Variants in MCM6 observed in about 807,000 individuals in gnomAD.
The protein encoded by MCM6 is DNA replication licensing factor MCM6.
MCM6 carries 46 observed loss-of-function variants against 94.3 expected under a neutral mutation model. That is an observed-to-expected ratio of 0.49 (90% confidence interval 0.39 to 0.62). The LOEUF (loss-of-function observed/expected upper bound fraction) is 0.62, where lower values mean the gene tolerates loss of function less well. Ranked by LOEUF, MCM6 falls within the 20% of genes least tolerant of loss-of-function variation. MCM6 has a pLI of 0.00. For missense variants in MCM6, 865 were observed against 1,017.9 expected (o/e 0.85, Z 2.04); for synonymous variants, 335 against 351.9 (o/e 0.95, Z 0.54).
chr2:135,846,967 G>A (rs1053993012), intron 14 of MCM6, among the ~76,000 whole-genome samples: 8 of 151,420 alleles, frequency 5.3e-5, no homozygotes, highest in African/African-American at 1.9e-4. Context: ...TTGCACCATT[G>A]TACTCCAGCC....
chr2:135,864,058 C>G (rs1030615293), intron 7 of MCM6, among the ~76,000 whole-genome samples: 1 of 150,878 alleles, frequency 6.6e-6, no homozygotes, highest in Non-Finnish European at 1.5e-5. Context: ...TTGCAGTGAG[C>G]TGAGATCACG....
intron 2 of MCM6, 43 bp downstream of exon 2, chr2:135,872,654 T>C (rs1180605518): frequency 6.3e-7 from 1 of 1,599,710 alleles, no homozygotes; most frequent in Admixed American, 1.7e-5. Flanking sequence ...GCTTCCCGGA[T>C]TTCAACCCCT....
rs1371614006 is a variant in MCM6, at chr2:135,866,215, G to C, written c.844C>G (p.Arg282Gly). 6.2e-7 allele frequency: 1 copy of C among 1,614,166 alleles called. No homozygotes were observed. The highest frequency in any genetic ancestry group is 8.5e-7 in the Non-Finnish European group (1 of 1,180,014). ...CTAACACCAAGGGCCCGGAGTCCTC[G>C]AATGCCTTCTGTCTCATATCCATCA... ...GVDGYETEGI[R>G]GLRALGVRDL... is the part of the protein sequence containing the mutation. The change falls in exon 6 of 17, where the codon CGA becomes GGA. Residue 282 changes from arginine to glycine, a missense_variant. Arg to Gly is a moderately radical substitution (Grantham distance 125). Transcript: ENST00000264156.
Position 135,840,901 on chromosome 2 carries a change from C to G in MCM6, c.2400G>C (p.Glu800Asp), listed in dbSNP as rs138809319. ...LTQAGLKGST[E>D]GSESYEEDPY... ...GATCTTCTTCATAGCTCTCACTTCC[C>G]TCTGTGGAGCCTTTCAATCCAGCCT... The change falls in exon 17 of 17, where the codon GAG becomes GAC. Residue 800 changes from glutamate (E) to aspartate (D), a missense_variant. Around this residue, in one of 3 missense-constraint regions of MCM6, gnomAD observed 308 missense variants for 324.5 expected, o/e 0.95. Transcript: ENST00000264156. 1.4e-5 allele frequency: 23 copies of G among 1,614,174 alleles called. No homozygotes were observed. In the African/African-American group the frequency reaches 2.9e-4, roughly 21 times the overall value.
chr2:135,865,259 G>T, intron 6 of MCM6, 96 bp from the exon 7 acceptor site: 25 of 823,128 alleles, frequency 3.0e-5, no homozygotes, highest in Admixed American at 6.3e-5. Flanking sequence ...CATAGCATGG[G>T]AAGTCAACCT....
At chr2:135,849,856 A>G (rs908966148) in intron 13 of MCM6, among the ~76,000 whole-genome samples, 19 of 152,234 alleles carry the variant, frequency 1.2e-4, no homozygotes, top group African/African-American at 4.3e-4. Context: ...AAGGCCTAAC[A>G]AAAGTTTTTT....
chr2:135,875,819 C>A (rs1415100208), intron 1 of MCM6, among the ~76,000 whole-genome samples: 1 of 152,184 alleles, frequency 6.6e-6, no homozygotes, highest in East Asian at 1.9e-4. Context: ...CCCTGCGAAC[C>A]CCCAGCACCA....
At chr2:135,857,871 GCAGAA>G (rs754392111) in intron 10 of MCM6, 21 bp downstream of exon 10, 9 of 1,580,072 alleles carry the variant, frequency 5.7e-6, no homozygotes, top group South Asian at 2.2e-5. Context: ...GGACGATGCA[GCAGAA>G]CAGAAGTAGA....
intron 1 of MCM6, among the ~76,000 whole-genome samples, chr2:135,873,858 C>T (rs1680248840): frequency 6.6e-6 from 1 of 152,154 alleles, no homozygotes; most frequent in Non-Finnish European, 1.5e-5. Context: ...ACAAGTTATA[C>T]ATATAAAAGG....
intron 11 of MCM6, among the ~76,000 whole-genome samples, 187 bp from the exon 12 acceptor site, chr2:135,853,102 A>G (rs1408788776): frequency 2.0e-5 from 3 of 152,228 alleles, no homozygotes; most frequent in Non-Finnish European, 4.4e-5. Flanking sequence ...GTTTAAATGT[A>G]TACCATTGCC....
intron 11 of MCM6, among the ~76,000 whole-genome samples, chr2:135,855,606 C>A (rs888002058): frequency 6.6e-6 from 1 of 152,162 alleles, no homozygotes; most frequent in Admixed American, 6.5e-5. Flanking sequence ...ATTGAGGCTG[C>A]AGTGAGCTAT....
At chr2:135,843,704 T>C (rs1291421175) in intron 16 of MCM6, among the ~76,000 whole-genome samples, 2 of 131,124 alleles carry the variant, frequency 1.5e-5, no homozygotes, top group Admixed American at 1.8e-4. Flanking sequence ...CACTCCAGCA[T>C]GGGCAACAAG....
chr2:135,848,217 CT>C (rs1305998241), intron 13 of MCM6, 29 bp from the exon 14 acceptor site: 1 of 1,566,302 alleles, frequency 6.4e-7, no homozygotes, highest in Non-Finnish European at 8.8e-7. Context: ...AGTAATTAAG[CT>C]ACTTTTTTTG....
At chr2:135,858,887 G>GT (rs4988202) in intron 9 of MCM6, among the ~76,000 whole-genome samples, 76,038 of 151,676 alleles carry the variant, frequency 0.5, 23,159 homozygotes, top group Non-Finnish European at 0.7. Context: ...AGAATGCTGG[G>GT]TTTTTTTTGT....
At chr2:135,875,630 A>G (rs1680280085) in intron 1 of MCM6, among the ~76,000 whole-genome samples, 1 of 152,158 alleles carries the variant, frequency 6.6e-6, no homozygotes, top group Non-Finnish European at 1.5e-5. Flanking sequence ...GCCCAGAGGC[A>G]CAGAAAAAAA....
intron 12 of MCM6, among the ~76,000 whole-genome samples, chr2:135,852,162 G>A (rs1679788996): frequency 6.6e-6 from 1 of 152,144 alleles, no homozygotes; most frequent in South Asian, 2.1e-4. Flanking sequence ...AGAGCCAACT[G>A]CAATCTCATG....
At chr2:135,844,723 C>G in intron 15 of MCM6, 39 bp from the exon 16 acceptor site, 1 of 1,495,988 alleles carries the variant, frequency 6.7e-7, no homozygotes, top group East Asian at 2.4e-5. Context: ...CCTAGCAACT[C>G]GTACTGTCAG....
intron 16 of MCM6, among the ~76,000 whole-genome samples, chr2:135,842,785 G>A (rs1048896906): frequency 1.3e-5 from 2 of 152,144 alleles, no homozygotes; most frequent in African/African-American, 4.8e-5. Context: ...AGGGATCAAG[G>A]CCAGTGTCAC....
intron 7 of MCM6, among the ~76,000 whole-genome samples, 195 bp from the exon 8 acceptor site, chr2:135,862,943 C>T (rs1353010113): frequency 6.6e-6 from 1 of 152,196 alleles, no homozygotes; most frequent in African/African-American, 2.4e-5. Context: ...AACCACTGTT[C>T]CAATGTTTTC....
Sources: gnomAD v4.1 joint callset for allele counts (sites outside exome capture counted in the v4.1 genomes callset) on GRCh38, gnomAD v4.1.1 for gene constraint, gnomAD v4.1.1 regional missense constraint, MANE v1.5 for transcripts, NCBI Gene and HGNC (gene_info 2026-07-23, HGNC 2026-07-21) for gene names.